SHLD2: variants seen among roughly 807,000 people sequenced by gnomAD.
The protein encoded by SHLD2 is shieldin complex subunit 2, also known as RINN1-REV7-interacting novel NHEJ regulator 2.
SHLD2 carries 30 observed loss-of-function variants against 73.2 expected under a neutral mutation model. That is an observed-to-expected ratio of 0.41 (90% CI 0.31 to 0.56). The LOEUF is 0.56. Ranked by LOEUF, SHLD2 falls within the 20% of genes least tolerant of loss-of-function variation. SHLD2 has a pLI of 0.28. For synonymous variants in SHLD2, 285 were observed against 370.1 expected (o/e 0.77, Z 2.64); for missense variants, 745 against 1,055.9 (o/e 0.71, Z 4.08).
intron 2 of SHLD2, among the ~76,000 whole-genome samples, chr10:87,136,717 C>G (rs1255686330): frequency 1.3e-5 from 2 of 152,040 alleles, no homozygotes; most frequent in Non-Finnish European, 2.9e-5. Context: ...AAATCTGTCT[C>G]CTACCATCAG....
chr10:87,153,415 T>C (rs1288546713), intron 3 of SHLD2, among the ~76,000 whole-genome samples: 1 of 152,214 alleles, frequency 6.6e-6, no homozygotes, highest in African/African-American at 2.4e-5. Context: ...CTTCTTTACC[T>C]AATGTCTAAT....
At chr10:87,148,958 A>G (rs1338247311) in intron 2 of SHLD2, among the ~76,000 whole-genome samples, 9 of 146,412 alleles carry the variant, frequency 6.1e-5, no homozygotes, top group Admixed American at 1.4e-4. Flanking sequence ...CAGTGGCATG[A>G]TCTTGGCTCA....
chr10:87,184,970 A>G (rs1304974072), intron 8 of SHLD2, among the ~76,000 whole-genome samples: 2 of 152,204 alleles, frequency 1.3e-5, no homozygotes, highest in Admixed American at 6.5e-5. Context: ...GTACAATTCA[A>G]TGGCTGTAGT....
chr10:87,137,163 A>G (rs867366009), intron 2 of SHLD2, among the ~76,000 whole-genome samples: 2 of 152,244 alleles, frequency 1.3e-5, no homozygotes, highest in African/African-American at 4.8e-5. Flanking sequence ...AGACCCAGAG[A>G]TGATCCAGAT....
chr10:87,175,345 ATGACCGT>A (rs1432684093), intron 6 of SHLD2, among the ~76,000 whole-genome samples: 2 of 151,708 alleles, frequency 1.3e-5, no homozygotes, highest in African/African-American at 4.8e-5. Context: ...ATTATAAATG[ATGACCGT>A]TCAGGAGGGC....
intron 2 of SHLD2, among the ~76,000 whole-genome samples, chr10:87,124,751 T>G (rs1452401902): frequency 2.1e-4 from 32 of 151,356 alleles, no homozygotes; most frequent in African/African-American, 6.3e-4. Flanking sequence ...AAATTGTTTT[T>G]TTTTTTTTTT....
intron 2 of SHLD2, among the ~76,000 whole-genome samples, chr10:87,121,561 T>C (rs1843620511): frequency 6.6e-6 from 1 of 151,936 alleles, no homozygotes; most frequent in Non-Finnish European, 1.5e-5. Context: ...ATTTCCAAAA[T>C]AAATGTTATT....
In SHLD2 at chr10:87,147,077, A is replaced by C. The variant is rs571078987; in HGVS notation, c.-5-4273A>C. Among the ~76,000 whole-genome samples, 273 of 141,208 alleles carry C rather than the reference A, an allele frequency of 1.9e-3. 2 individuals are homozygous for C. The highest frequency in any genetic ancestry group is 7.4e-3 in the African/African-American group (263 of 35,470). 92.6% of individuals were successfully genotyped at this position (141,208 alleles called of 152,430 possible). On this transcript the variant is annotated intron_variant, in intron 2 of 9. Transcript: ENST00000298786. ...GTCTCAAAAAAAAAAAAAAAGAAAA[A>C]AAAAAAAAAAACAAAAAAACCTTGT...
intron 2 of SHLD2, among the ~76,000 whole-genome samples, chr10:87,100,995 A>C (rs187405433): frequency 1.3e-5 from 2 of 152,350 alleles, no homozygotes; most frequent in Non-Finnish European, 2.9e-5. Flanking sequence ...CTGATTCATT[A>C]ACATGGGATA....
chr10:87,182,170 C>T (rs1240605427), intron 8 of SHLD2, among the ~76,000 whole-genome samples: 1 of 152,106 alleles, frequency 6.6e-6, no homozygotes, highest in Non-Finnish European at 1.5e-5. Context: ...TATGTGACTC[C>T]AAAATCATCT....
chr10:87,104,497 G>T (rs902008300), intron 2 of SHLD2, among the ~76,000 whole-genome samples: 2 of 149,568 alleles, frequency 1.3e-5, no homozygotes, highest in Non-Finnish European at 3.0e-5. Context: ...TGGCGCCACT[G>T]CACTCTAGCT....
At chr10:87,149,699 G>A (rs538082127) in intron 2 of SHLD2, among the ~76,000 whole-genome samples, 2 of 152,144 alleles carry the variant, frequency 1.3e-5, no homozygotes, top group South Asian at 4.2e-4. Context: ...ACTCCAGACT[G>A]GGTGACAAGA....
chr10:87,136,315 A>G (rs1844797678), intron 2 of SHLD2, among the ~76,000 whole-genome samples: 2 of 151,816 alleles, frequency 1.3e-5, no homozygotes, highest in African/African-American at 4.8e-5. Flanking sequence ...GCGCTAGTAT[A>G]TTTAGAGACT....
In SHLD2 at chr10:87,187,217, C is replaced by T; in HGVS notation, c.2515+17C>T. Reference sequence around the variant, plus strand: ...GAGTGATAGGTAATATATCAGTGTGCCATCAAGAAGTTGTTTTATTCAGGA... The same window carrying T: ...GAGTGATAGGTAATATATCAGTGTGTCATCAAGAAGTTGTTTTATTCAGGA... On this transcript the variant is annotated intron_variant, in intron 9 of 9. Coordinates refer to ENST00000298786, the MANE Select transcript of SHLD2 (RefSeq NM_001330112.2). 2.8e-6 allele frequency: 4 copies of T among 1,422,650 alleles called. No individual in the cohort carries two copies. The highest frequency in any genetic ancestry group is 2.3e-5 in the East Asian group (1 of 43,958). The allele number at this position is 1,422,650 out of a possible 1,614,324, so 88.1% of individuals were successfully genotyped here.
chr10:87,170,942 C>A lies in SHLD2; in HGVS notation c.1931C>A (p.Ala644Glu). ...HYALVLWGPG[A>E]AWYPQLQRKK... ...GCGCTTGTATTATGGGGTCCTGGAG[C>A]AGCCTGGTACCCTCAACTTCAAAGG... is the stretch of plus-strand genomic sequence containing the variant. Residue 644 changes from alanine (A) to glutamate (E), a missense_variant, in exon 6 of 10, where the codon GCA becomes GAA. Around this residue, in one of 5 missense-constraint regions of SHLD2, gnomAD observed 418 missense variants for 567.8 expected, o/e 0.74. Transcript: ENST00000298786. 1 of 1,577,188 alleles carries A rather than the reference C, an allele frequency of 6.3e-7. No individual in the cohort carries two copies. Among genetic ancestry groups the A allele is most frequent in the Non-Finnish European group, 8.7e-7 (1 of 1,150,810 alleles).
chr10:87,119,216 C>G (rs1475789100), intron 2 of SHLD2, among the ~76,000 whole-genome samples: 1 of 151,242 alleles, frequency 6.6e-6, no homozygotes, highest in East Asian at 1.9e-4. Flanking sequence ...CAGTTTCCTT[C>G]TGGCTTTCCA....
At chr10:87,097,556 C>T (rs1038008130) in intron 2 of SHLD2, among the ~76,000 whole-genome samples, 5 of 151,878 alleles carry the variant, frequency 3.3e-5, no homozygotes. Context: ...CGTGCCATTG[C>T]ACTCCAGCCT....
intron 2 of SHLD2, among the ~76,000 whole-genome samples, chr10:87,109,445 C>G (rs1842795275): frequency 6.6e-6 from 1 of 151,986 alleles, no homozygotes; most frequent in Non-Finnish European, 1.5e-5. Context: ...ATTATAGGCG[C>G]TTCTACCACA....
At chr10:87,103,536 G>A (rs1319859709) in intron 2 of SHLD2, among the ~76,000 whole-genome samples, 1 of 152,158 alleles carries the variant, frequency 6.6e-6, no homozygotes, top group Non-Finnish European at 1.5e-5. Flanking sequence ...TATATCATGA[G>A]TTGTTTTGCA....
Sources: gnomAD v4.1 joint callset for allele counts (sites outside exome capture counted in the v4.1 genomes callset) on GRCh38, gnomAD v4.1.1 for gene constraint, gnomAD v4.1.1 regional missense constraint, MANE v1.5 for transcripts, NCBI Gene and HGNC (gene_info 2026-07-23, HGNC 2026-07-21) for gene names.